Variants in RANBP2 observed in about 807,000 individuals in gnomAD.
RANBP2 encodes RAN binding protein 2, also known as E3 SUMO-protein ligase RanBP2.
In RANBP2, 57 loss-of-function variants were observed where a neutral mutation model predicts 303.6. That is an observed-to-expected ratio of 0.19 (90% CI 0.15 to 0.23). The LOEUF (loss-of-function observed/expected upper bound fraction) is 0.23. Among genes scored for constraint, RANBP2 ranks in the 10% least tolerant of loss-of-function variants. RANBP2 has a pLI of 1.00. For missense variants in RANBP2, 3,138 were observed against 3,780.8 expected (o/e 0.83, Z 4.46); for synonymous variants, 1,167 against 1,301.5 (o/e 0.90, Z 2.23).
chr2:108,919,869 C>G, the RANBP2 span, among the ~76,000 whole-genome samples: 1 of 152,226 alleles, frequency 6.6e-6, no homozygotes, highest in Admixed American at 6.5e-5. Flanking sequence ...GCTGACTTCC[C>G]AGCCCTGGAT....
the RANBP2 span, among the ~76,000 whole-genome samples, chr2:109,325,989 A>C: frequency 3.3e-5 from 5 of 152,280 alleles, no homozygotes; most frequent in Admixed American, 6.5e-5. Context: ...TGTTTAAAGA[A>C]GAACAACAAC....
the RANBP2 span, among the ~76,000 whole-genome samples, chr2:109,119,869 T>C: frequency 6.6e-6 from 1 of 152,212 alleles, no homozygotes. Flanking sequence ...AAAATGTACA[T>C]TGCTTTAAGT....
chr2:109,120,324 T>A, the RANBP2 span, among the ~76,000 whole-genome samples: 22 of 152,236 alleles, frequency 1.4e-4, no homozygotes, highest in African/African-American at 5.3e-4. Context: ...GACCAGGGAC[T>A]CTTCCAGGGG....
chr2:109,097,673 G>C, the RANBP2 span, among the ~76,000 whole-genome samples: 2 of 150,694 alleles, frequency 1.3e-5, no homozygotes, highest in Admixed American at 6.6e-5. Context: ...TTTTACTCAG[G>C]CTGCCTTGGA....
At chr2:109,363,911 A>G in the RANBP2 span, among the ~76,000 whole-genome samples, 26 of 151,898 alleles carry the variant, frequency 1.7e-4, no homozygotes, top group Admixed American at 1.7e-3. Flanking sequence ...TATTTTATGT[A>G]GTTTGAAAGT....
At chr2:108,788,742 A>T (rs1441220010), downstream of RANBP2, 12 of 1,442,860 alleles carry the variant, frequency 8.3e-6, no homozygotes, top group East Asian at 7.6e-5. Context: ...AGAAAAAAAA[A>T]TTTGAGAGAG....
the RANBP2 span, among the ~76,000 whole-genome samples, chr2:109,182,561 G>C: frequency 2.0e-5 from 3 of 152,180 alleles, no homozygotes; most frequent in African/African-American, 7.2e-5. Flanking sequence ...AAAGCACATG[G>C]AACTTGCACA....
the RANBP2 span, among the ~76,000 whole-genome samples, chr2:109,016,454 A>G: frequency 6.6e-6 from 1 of 152,170 alleles, no homozygotes; most frequent in Non-Finnish European, 1.5e-5. Context: ...TTCTTCCACC[A>G]GAGGCAGAAT....
At chr2:109,498,657 G>T in the RANBP2 span, among the ~76,000 whole-genome samples, 1 of 151,922 alleles carries the variant, frequency 6.6e-6, no homozygotes, top group East Asian at 1.9e-4. Context: ...CCCCTAAGTA[G>T]TATCAAGTAG....
At chr2:109,498,693 G>C in the RANBP2 span, among the ~76,000 whole-genome samples, 1 of 152,208 alleles carries the variant, frequency 6.6e-6, no homozygotes, top group African/African-American at 2.4e-5. Context: ...AGGGAACTGT[G>C]GGGGGTCCTG....
At chr2:108,952,430 T>A in the RANBP2 span, among the ~76,000 whole-genome samples, 2 of 152,242 alleles carry the variant, frequency 1.3e-5, no homozygotes, top group East Asian at 1.9e-4. Flanking sequence ...TACTCTATTA[T>A]GCAGATTAGG....
chr2:109,483,217 C>T, the RANBP2 span, among the ~76,000 whole-genome samples: 5 of 152,260 alleles, frequency 3.3e-5, no homozygotes, highest in South Asian at 2.1e-4. Context: ...GGAAAATTTC[C>T]GAACATAAAA....
chr2:109,570,540 T>TC, the RANBP2 span, among the ~76,000 whole-genome samples: 3 of 151,094 alleles, frequency 2.0e-5, no homozygotes, highest in Admixed American at 6.6e-5. Context: ...TTTTTTTTTT[T>TC]CCAAGACGGA....
chr2:109,556,834 G>T, the RANBP2 span, among the ~76,000 whole-genome samples: 11 of 152,292 alleles, frequency 7.2e-5, no homozygotes, highest in African/African-American at 2.6e-4. Context: ...GGAATGCTAT[G>T]CAGCCATAAA....
the RANBP2 span, among the ~76,000 whole-genome samples, chr2:109,057,813 T>C: frequency 6.6e-6 from 1 of 152,166 alleles, no homozygotes; most frequent in Admixed American, 6.5e-5. Context: ...AGTGCCAGCT[T>C]GCGGTGGTTA....
At chr2:109,566,538 G>A in the RANBP2 span, among the ~76,000 whole-genome samples, 1 of 152,126 alleles carries the variant, frequency 6.6e-6, no homozygotes, top group African/African-American at 2.4e-5. Flanking sequence ...CTATACAATA[G>A]TGTATTCCTA....
At chr2:109,591,135 T>C in the RANBP2 span, among the ~76,000 whole-genome samples, 4 of 152,228 alleles carry the variant, frequency 2.6e-5, no homozygotes, top group South Asian at 4.1e-4. Flanking sequence ...GTAAGCATGT[T>C]ATCTTCATAT....
intron 9 of RANBP2, among the ~76,000 whole-genome samples, chr2:108,749,916 G>A (rs1489862755): frequency 5.3e-5 from 8 of 152,106 alleles, no homozygotes; most frequent in Non-Finnish European, 1.0e-4. Flanking sequence ...TTGGGAGGCC[G>A]AGGCAGGCAG....
chr2:109,045,666 C>T, the RANBP2 span, among the ~76,000 whole-genome samples: 1 of 152,116 alleles, frequency 6.6e-6, no homozygotes, highest in Admixed American at 6.5e-5. Flanking sequence ...GGCGCTTGGC[C>T]TGGTGACCCA....
Sources: gnomAD v4.1 joint callset for allele counts (sites outside exome capture counted in the v4.1 genomes callset) on GRCh38, gnomAD v4.1.1 for gene constraint, MANE v1.5 for transcripts, NCBI Gene and HGNC (gene_info 2026-07-23, HGNC 2026-07-21) for gene names.